Variants in RAB8B observed in about 807,000 individuals in gnomAD.
RAB8B encodes ras-related protein Rab-8B.
RAB8B carries 11 observed loss-of-function variants against 32.0 expected under a neutral mutation model. That is an observed-to-expected ratio of 0.34 (90% CI 0.22 to 0.57). The LOEUF is 0.57. Among genes scored for constraint, RAB8B ranks in the 20% least tolerant of loss-of-function variants. The pLI, the probability that RAB8B is intolerant of heterozygous loss-of-function variation, is 0.86. For missense variants in RAB8B, 190 were observed against 258.5 expected (o/e 0.73, Z 1.82); for synonymous variants, 103 against 89.6 (o/e 1.15, Z -0.85).
intron 1 of RAB8B, among the ~76,000 whole-genome samples, chr15:63,242,772 T>C (rs898683297): frequency 6.6e-6 from 1 of 152,146 alleles, no homozygotes; most frequent in African/African-American, 2.4e-5. Context: ...GAAACCACTT[T>C]AAGGGGTTCT....
In RAB8B at chr15:63,259,355, G is replaced by A. The variant is rs1420945351; in HGVS notation, c.415-272G>A. Among the ~76,000 whole-genome samples, 2 of 152,150 alleles carry A rather than the reference G, an allele frequency of 1.3e-5. No homozygotes were observed. Among genetic ancestry groups the A allele is most frequent in the Admixed American group, 6.5e-5 (1 of 15,278 alleles). ...AGGAGGGTCTCGATCTCCTGACCTC[G>A]TGATCCGTCTGCCTCGGCCTCCCAA... On this transcript the variant is annotated intron_variant, in intron 5 of 7. Transcript: ENST00000321437. The surrounding 1 kb of genome is among the most constrained non-coding windows in gnomAD (Gnocchi z 4.4).
intron 1 of RAB8B, among the ~76,000 whole-genome samples, chr15:63,210,944 T>G (rs2141115781): frequency 6.6e-6 from 1 of 152,322 alleles, no homozygotes; most frequent in East Asian, 1.9e-4. Context: ...AGATACTGTG[T>G]GGTGTGGTTC....
At chr15:63,213,309 C>A (rs576774171) in intron 1 of RAB8B, among the ~76,000 whole-genome samples, 1 of 151,486 alleles carries the variant, frequency 6.6e-6, no homozygotes, top group South Asian at 2.1e-4. Flanking sequence ...TGGAGGGGGA[C>A]GTGGGGCAAA....
intron 1 of RAB8B, among the ~76,000 whole-genome samples, chr15:63,238,557 G>A (rs1355420395): frequency 6.6e-6 from 1 of 152,132 alleles, no homozygotes; most frequent in African/African-American, 2.4e-5. Flanking sequence ...GGATAGTAGT[G>A]CAGCTCTTTC....
At chr15:63,212,048 G>A (rs2037752178) in intron 1 of RAB8B, among the ~76,000 whole-genome samples, 1 of 152,016 alleles carries the variant, frequency 6.6e-6, no homozygotes, top group Non-Finnish European at 1.5e-5. Context: ...GCCTGGGCTG[G>A]TCTTGAACTC....
intron 1 of RAB8B, among the ~76,000 whole-genome samples, chr15:63,242,242 A>G (rs2038038154): frequency 6.6e-6 from 1 of 151,908 alleles, no homozygotes; most frequent in East Asian, 2.0e-4. Context: ...AAAGTACCAC[A>G]CAGAGAAAAA....
Position 63,263,594 on chromosome 15 carries a change from G to C in RAB8B, c.599G>C (p.Ser200Thr). ...KITENRSKKT[S>T]FFRCSLL ...ACAGAAAACCGATCAAAGAAGACCA[G>C]TTTCTTTCGTTGCTCGCTACTTTGA... is the stretch of plus-strand genomic sequence containing the variant. The change falls in exon 8 of 8, where the codon AGT becomes ACT. Residue 200 changes from serine to threonine, a missense_variant. Around this residue, in one of 2 missense-constraint regions of RAB8B, gnomAD observed 110 missense variants for 115.9 expected, o/e 0.95. Transcript: ENST00000321437. The C allele has an allele frequency of 8.1e-6, 13 of 1,610,934 alleles. No individual in the cohort carries two copies. The highest frequency in any genetic ancestry group is 1.1e-5 in the Non-Finnish European group (13 of 1,177,104).
At chr15:63,242,749 C>A (rs941837691) in intron 1 of RAB8B, among the ~76,000 whole-genome samples, 31 of 152,024 alleles carry the variant, frequency 2.0e-4, no homozygotes, top group African/African-American at 7.2e-4. Context: ...ACGTGTTTTC[C>A]TGAAATTTCT....
At chr15:63,262,644 T>A in intron 6 of RAB8B, 48 bp from the exon 7 acceptor site, 1 of 598,160 alleles carries the variant, frequency 1.7e-6, no homozygotes, top group Non-Finnish European at 2.5e-6. Context: ...TATATATACA[T>A]ATATATAGTG....
intron 1 of RAB8B, among the ~76,000 whole-genome samples, chr15:63,217,198 TGAAAA>T (rs1260147991): frequency 2.0e-5 from 3 of 152,146 alleles, no homozygotes; most frequent in African/African-American, 7.2e-5. Flanking sequence ...AAGAGACTAA[TGAAAA>T]GATGGTACAT....
chr15:63,235,470 A>G (rs1355200214), intron 1 of RAB8B, among the ~76,000 whole-genome samples: 3 of 152,148 alleles, frequency 2.0e-5, no homozygotes, highest in Non-Finnish European at 4.4e-5. Context: ...CTATTAAAGT[A>G]TAGCTAATAT....
rs2038053193 is a variant in RAB8B at position 63,244,147 on chromosome 15, G to A, written c.125-609G>A. ...AGGGGACTTTCAGATCATAGTACCA[G>A]GCAATTCTAGAGTACAGTCAGGCCT... On this transcript the variant is annotated intron_variant, in intron 1 of 7. Transcript: ENST00000321437. 3.3e-5 allele frequency among the ~76,000 whole-genome samples: 5 copies of A among 152,298 alleles called. No homozygotes were observed. The South Asian group carries it at 1.0e-3, about 32-fold the overall frequency.
chr15:63,217,751 G>C (rs777076892), intron 1 of RAB8B, among the ~76,000 whole-genome samples: 1 of 152,150 alleles, frequency 6.6e-6, no homozygotes, highest in Non-Finnish European at 1.5e-5. Flanking sequence ...AAAGTAAAAC[G>C]TGATAAAGAC....
chr15:63,221,516 C>A (rs1004585809), intron 1 of RAB8B, among the ~76,000 whole-genome samples: 1 of 152,174 alleles, frequency 6.6e-6, no homozygotes, highest in African/African-American at 2.4e-5. Context: ...TGACAAACTT[C>A]CTTTTTGGAA....
rs1415173581 is a variant in RAB8B at position 63,216,630 on chromosome 15, A to G, written c.124+26882A>G. On this transcript the variant is annotated intron_variant, in intron 1 of 7. Coordinates refer to ENST00000321437, the MANE Select transcript of RAB8B (RefSeq NM_016530.3). ...GTAATCCCAGCACTTTGGGAGGCCAAGGCGGGCAGATCACAAGGCAGGAGT... is the reference window on the plus strand; with the variant it reads ...GTAATCCCAGCACTTTGGGAGGCCAGGGCGGGCAGATCACAAGGCAGGAGT... Among the ~76,000 whole-genome samples the G allele has an allele frequency of 2.0e-5, 3 of 151,920 alleles. No individual in the cohort carries two copies. The South Asian group carries it at 6.2e-4, about 32-fold the overall frequency.
At chr15:63,263,457 A>G (rs1239006536) in intron 7 of RAB8B, 70 bp from the exon 8 acceptor site, 2 of 1,195,848 alleles carry the variant, frequency 1.7e-6, no homozygotes, top group Non-Finnish European at 2.5e-6. Context: ...AGTTATTTTT[A>G]TTTTTTAGGT....
In RAB8B at chr15:63,192,750, A is replaced by G. The variant is rs149374863; in HGVS notation, c.124+3002A>G. ...CGAAGGGAAGGAGACAGTCATTTTG[A>G]TTCCAGATACAGTTGTCTCAGAGAT... On this transcript the variant is annotated intron_variant, in intron 1 of 7. Coordinates refer to ENST00000321437, the MANE Select transcript of RAB8B (RefSeq NM_016530.3). Among the ~76,000 whole-genome samples, 658 of 152,300 alleles carry G rather than the reference A, an allele frequency of 4.3e-3. 4 individuals carry two copies. The highest frequency in any genetic ancestry group is 0.015 in the African/African-American group (635 of 41,554).
intron 2 of RAB8B, among the ~76,000 whole-genome samples, chr15:63,246,575 C>G (rs1357490282): frequency 6.6e-6 from 1 of 152,174 alleles, no homozygotes; most frequent in African/African-American, 2.4e-5. Flanking sequence ...ACACTTCCTT[C>G]CTTGTGGGAG....
intron 1 of RAB8B, among the ~76,000 whole-genome samples, chr15:63,194,194 A>G (rs954615057): frequency 2.0e-5 from 3 of 152,140 alleles, no homozygotes; most frequent in Admixed American, 6.5e-5. Context: ...TCCCAATTTT[A>G]TAAATAAAAA....
Sources: gnomAD v4.1 joint callset for allele counts (sites outside exome capture counted in the v4.1 genomes callset) on GRCh38, gnomAD v4.1.1 for gene constraint, gnomAD v4.1.1 regional missense constraint, Gnocchi (gnomAD v3.1) non-coding constraint, MANE v1.5 for transcripts, NCBI Gene and HGNC (gene_info 2026-07-23, HGNC 2026-07-21) for gene names.